RSPO1: variants seen among roughly 807,000 people sequenced by gnomAD.
RSPO1 encodes the protein R-spondin 1, also known as R-spondin-1.
Under a neutral mutation model 26.0 loss-of-function variants are expected in RSPO1, and 18 were observed. The ratio of observed to expected loss-of-function variants is 0.69; its 90% CI spans 0.48 to 1.03. RSPO1 has a LOEUF of 1.03. RSPO1 is among the 50% of genes least tolerant of loss of function. RSPO1 has a pLI of 0.00. For missense variants in RSPO1, 309 were observed against 352.3 expected, an observed-to-expected ratio of 0.88 and a Z score of 0.98; for synonymous variants, 133 against 137.4, an observed-to-expected ratio of 0.97 and a Z score of 0.22.
rs557199089 is a variant in RSPO1, at chr1:37,629,200, A to G, written c.94+368T>C. On this transcript the variant is annotated intron_variant, in intron 3 of 6. Coordinates refer to ENST00000356545, the MANE Select transcript of RSPO1 (RefSeq NM_001242908.2). ...TTAGCCAAAAAAGGAGCCCCAGGGC[A>G]GGGGGATTGGGGAAGCATCTCCATG... Among the ~76,000 whole-genome samples, 13 of 152,354 alleles carry G rather than the reference A, an allele frequency of 8.5e-5. No individual in the cohort carries two copies. The South Asian group carries it at 2.7e-3, about 32-fold the overall frequency.
Position 37,633,676 on chromosome 1 carries a change from C to A in RSPO1, c.-356+890G>T, listed in dbSNP as rs939580292. Among the ~76,000 whole-genome samples, 4 of 151,946 alleles carry A rather than the reference C, an allele frequency of 2.6e-5. No homozygotes were observed. In the East Asian group the frequency reaches 7.8e-4, roughly 30 times the overall value. ...GAAGAATTGCGGGCGGGGGGCGGGA[C>A]AAAGTATGTGCCTGTCCGACCTGTC... On this transcript the variant is annotated intron_variant, in intron 1 of 6. Coordinates refer to ENST00000356545, the MANE Select transcript of RSPO1 (RefSeq NM_001242908.2).
chr1:37,615,352 A>G lies in RSPO1; in HGVS notation c.287-1019T>C, dbSNP rs78023670. ...TAGCAGCTACCATTCATTGAGTGCC[A>G]GACACTAAGGGCTTTACATGCATGT... On this transcript the variant is annotated intron_variant, in intron 4 of 6. Transcript: ENST00000356545. Among the ~76,000 whole-genome samples the G allele has an allele frequency of 9.8e-5, 15 of 152,348 alleles. No homozygotes were observed. The East Asian group carries it at 2.9e-3, about 29-fold the overall frequency.
intron 3 of RSPO1, among the ~76,000 whole-genome samples, chr1:37,619,741 A>G: frequency 6.6e-6 from 1 of 151,316 alleles, no homozygotes; most frequent in Non-Finnish European, 1.5e-5. Flanking sequence ...TTTTTAAAAT[A>G]TATTATCCTT....
intron 1 of RSPO1, among the ~76,000 whole-genome samples, chr1:37,633,800 C>T (rs993322188): frequency 6.6e-6 from 1 of 152,192 alleles, no homozygotes; most frequent in African/African-American, 2.4e-5. Context: ...CCCTCCATCA[C>T]CCCCGCAAGC....
rs1182011717 is a variant in RSPO1 at position 37,613,422 on chromosome 1, G to A, written c.625+282C>T. Among the ~76,000 whole-genome samples, 1 of 152,200 alleles carries A rather than the reference G, an allele frequency of 6.6e-6. No homozygotes were observed. The highest frequency in any genetic ancestry group is 1.5e-5 in the Non-Finnish European group (1 of 68,038). The stretch of plus-strand genomic sequence containing the variant: ...TTCACCCACCCATCCTGCCTCCGAG[G>A]GGCCTTCTAGTATGAACATCCACTA... On this transcript the variant is annotated intron_variant, in intron 6 of 6. Coordinates refer to ENST00000356545, the MANE Select transcript of RSPO1 (RefSeq NM_001242908.2). This position sits in a 1 kb window ranked among gnomAD's most constrained non-coding sequence, Gnocchi z 4.5.
At chr1:37,626,115 C>CA (rs1042413111) in intron 3 of RSPO1, among the ~76,000 whole-genome samples, 1 of 152,142 alleles carries the variant, frequency 6.6e-6, no homozygotes, top group Non-Finnish European at 1.5e-5. Flanking sequence ...ATGAAAGCCT[C>CA]AGTAGCTCCT....
chr1:37,632,851 G>A (rs1247965274), intron 1 of RSPO1, among the ~76,000 whole-genome samples: 1 of 152,218 alleles, frequency 6.6e-6, no homozygotes, highest in Non-Finnish European at 1.5e-5. Flanking sequence ...TGAGAGAGGA[G>A]ATATGAGCTG....
At chr1:37,624,451 C>T (rs1644248173) in intron 3 of RSPO1, among the ~76,000 whole-genome samples, 5 of 151,900 alleles carry the variant, frequency 3.3e-5, no homozygotes, top group Admixed American at 2.6e-4. Flanking sequence ...CAGCTCTGCC[C>T]TCCCCACAAA....
rs1397719134 is a variant in RSPO1 at position 37,613,278 on chromosome 1, C to T, written c.626-357G>A. 1.3e-5 allele frequency among the ~76,000 whole-genome samples: 2 copies of T among 152,246 alleles called. No individual in the cohort carries two copies. Among genetic ancestry groups the T allele is most frequent in the Non-Finnish European group, 2.9e-5 (2 of 68,040 alleles). ...TCAGAACAGGCAGGACTGCCCCCAT[C>T]CCCTATCCGCCACCAGCCACCTCTG... On this transcript the variant is annotated intron_variant, in intron 6 of 6. Transcript: ENST00000356545. The surrounding 1 kb of genome is among the most constrained non-coding windows in gnomAD (Gnocchi z 4.5).
At chr1:37,633,310 G>A (rs982190730) in intron 1 of RSPO1, among the ~76,000 whole-genome samples, 1 of 152,200 alleles carries the variant, frequency 6.6e-6, no homozygotes, top group Non-Finnish European at 1.5e-5. Context: ...AACCCAGCTT[G>A]GGGAGTGGAC....
At chr1:37,632,526 A>G (rs1644374599) in intron 1 of RSPO1, among the ~76,000 whole-genome samples, 173 bp from the exon 2 acceptor site, 1 of 152,174 alleles carries the variant, frequency 6.6e-6, no homozygotes, top group Non-Finnish European at 1.5e-5. Context: ...AATGACATAT[A>G]TGATTGAAGC....
rs1187378630 is a variant in RSPO1, at chr1:37,613,718, A to G, written c.611T>C (p.Val204Ala). 1 of 1,613,020 alleles carries G rather than the reference A, an allele frequency of 6.2e-7. No individual in the cohort carries two copies. Among genetic ancestry groups the G allele is most frequent in the Admixed American group, 1.7e-5 (1 of 59,974 alleles). Residue 204 changes from valine to alanine, a missense_variant, in exon 6 of 7, where the codon GTG becomes GCG. Transcript: ENST00000356545. This position sits in a 1 kb window ranked among gnomAD's most constrained non-coding sequence, Gnocchi z 4.5. ...CTGCAGCTCACCCTCAGGACACGGC[A>G]CTCTCCTCACTGTGCACCTCCGGGT... ...KETRRCTVRRVPCPEGQKRRK... is the reference protein window; with the variant it reads ...KETRRCTVRRAPCPEGQKRRK...
At chr1:37,627,396 G>A (rs894911481) in intron 3 of RSPO1, among the ~76,000 whole-genome samples, 1 of 152,128 alleles carries the variant, frequency 6.6e-6, no homozygotes, top group Non-Finnish European at 1.5e-5. Context: ...TTACAAAGGT[G>A]TTAAAAATAT....
At chr1:37,630,429 C>T (rs191739323) in intron 2 of RSPO1, among the ~76,000 whole-genome samples, 9 of 152,358 alleles carry the variant, frequency 5.9e-5, no homozygotes, top group African/African-American at 1.9e-4. Flanking sequence ...AGAGCAGTGG[C>T]CCCCGGCAAG....
At chr1:37,624,260 C>G (rs926046754) in intron 3 of RSPO1, among the ~76,000 whole-genome samples, 1 of 152,128 alleles carries the variant, frequency 6.6e-6, no homozygotes, top group Non-Finnish European at 1.5e-5. Flanking sequence ...GACCCTCTCT[C>G]TAAAAGAAAA....
intron 2 of RSPO1, among the ~76,000 whole-genome samples, chr1:37,630,607 C>T (rs929764443): frequency 6.6e-6 from 1 of 152,246 alleles, no homozygotes; most frequent in Non-Finnish European, 1.5e-5. Context: ...TGGGGATAAT[C>T]CCCCAGCCCA....
At chr1:37,623,614 C>G (rs965002693) in intron 3 of RSPO1, among the ~76,000 whole-genome samples, 3 of 151,854 alleles carry the variant, frequency 2.0e-5, no homozygotes, top group Non-Finnish European at 4.4e-5. Context: ...CTTTATATAG[C>G]ACGTGCCTGT....
Position 37,612,480 on chromosome 1 carries a change from G to T in RSPO1, c.*275C>A, listed in dbSNP as rs1644037771. The stretch of plus-strand genomic sequence containing the variant: ...GTACTGCTGGGCCCGAGGGATGGAA[G>T]TGTCTTCTGGTGGCCTCAGGTGTGT... On this transcript the variant is annotated 3_prime_UTR_variant, in exon 7 of 7. Transcript: ENST00000356545. The T allele has an allele frequency of 3.7e-6, 2 of 536,018 alleles. No individual in the cohort carries two copies. Among genetic ancestry groups the T allele is most frequent in the Non-Finnish European group, 6.7e-6 (2 of 297,526 alleles). The allele number at this position is 536,018 out of a possible 1,614,324, so 33.2% of individuals were successfully genotyped here.
chr1:37,618,756 G>A (rs1487035229), intron 3 of RSPO1, among the ~76,000 whole-genome samples: 1 of 152,116 alleles, frequency 6.6e-6, no homozygotes, highest in Non-Finnish European at 1.5e-5. Context: ...GTGAGCTGTG[G>A]GGCCAGACGT....
Sources: gnomAD v4.1 joint callset for allele counts (sites outside exome capture counted in the v4.1 genomes callset) on GRCh38, gnomAD v4.1.1 for gene constraint, Gnocchi (gnomAD v3.1) non-coding constraint, MANE v1.5 for transcripts, NCBI Gene and HGNC (gene_info 2026-07-23, HGNC 2026-07-21) for gene names.